The following STS variants were observed in gnomAD, a reference collection of about 807,000 sequenced individuals.
STS encodes the protein steryl-sulfatase.
Under a neutral mutation model 26.8 loss-of-function variants are expected in STS, and 7 were observed. The observed-to-expected ratio is 0.26, with a 90% CI of 0.15 to 0.49. STS has a LOEUF of 0.49. Ranked by LOEUF, STS falls within the 20% of genes least tolerant of loss-of-function variation. STS has a pLI of 0.98. For synonymous variants in STS, 199 were observed against 189.4 expected (o/e 1.05, Z -0.42); for missense variants, 434 against 465.6 (o/e 0.93, Z 0.63).
chrX:7,229,475 C>A (rs1307563319), intron 2 of STS, among the ~76,000 whole-genome samples: 3 of 111,529 alleles, frequency 2.7e-5, no homozygotes, highest in Non-Finnish European at 3.8e-5. Flanking sequence ...ATTCCAAATT[C>A]CCATCCTAGC....
intron 1 of STS, among the ~76,000 whole-genome samples, chrX:7,152,412 G>A (rs903318243): frequency 9.0e-6 from 1 of 111,521 alleles, no homozygotes; most frequent in East Asian, 2.8e-4. Context: ...CCTCCTTCCG[G>A]GTTCAAGCGA....
At position 7,257,236 on chromosome X, in the gene STS, T is replaced by C. The variant is rs755088803; in HGVS notation, c.138-6T>C. On this transcript the variant is annotated splice_polypyrimidine_tract_variant and splice_region_variant and intron_variant, in intron 3 of 10. Transcript: ENST00000674429. ...GATCACAAATGCTATGATTCTTTTG[T>C]TCTAGGACTCCCAATATCGACCGGT... 2.0e-5 allele frequency: 24 copies of C among 1,209,471 alleles called. No homozygotes were observed. In the South Asian group the frequency reaches 3.7e-4, roughly 19 times the overall value.
At chrX:7,212,274 G>A (rs1921065428) in intron 2 of STS, among the ~76,000 whole-genome samples, 1 of 110,969 alleles carries the variant, frequency 9.0e-6, no homozygotes, top group South Asian at 3.8e-4. Flanking sequence ...TTTGAGACCA[G>A]CCATGGGTAA....
At chrX:7,164,745 C>T (rs1446246711) in intron 1 of STS, among the ~76,000 whole-genome samples, 2 of 109,802 alleles carry the variant, frequency 1.8e-5, no homozygotes, top group East Asian at 2.9e-4. Context: ...GTGGCTCTCA[C>T]GCCTGGAATC....
intron 2 of STS, among the ~76,000 whole-genome samples, chrX:7,244,243 A>AT (rs763507712): frequency 3.3e-4 from 37 of 112,282 alleles, no homozygotes; most frequent in Non-Finnish European, 5.8e-4. Flanking sequence ...TAAGCAACTT[A>AT]GAAGGCATGA....
chrX:7,213,252 C>T (rs1235987168), intron 2 of STS, among the ~76,000 whole-genome samples: 2 of 112,048 alleles, frequency 1.8e-5, no homozygotes, highest in African/African-American at 6.5e-5. Context: ...TTCAAAAATA[C>T]TTCTCTCTCA....
intron 8 of STS, among the ~76,000 whole-genome samples, chrX:7,306,386 G>A (rs1926218135): frequency 9.0e-6 from 1 of 111,304 alleles, no homozygotes; most frequent in Admixed American, 9.6e-5. Context: ...AAGAGATGAC[G>A]CCTTAACCAA....
intron 7 of STS, among the ~76,000 whole-genome samples, chrX:7,285,590 TAGAA>T (rs1333720886): frequency 1.2e-4 from 13 of 111,863 alleles, no homozygotes; most frequent in African/African-American, 1.6e-4. Flanking sequence ...AAGCAAATGA[TAGAA>T]AGATAAATAT....
chrX:7,205,365 G>A (rs986362259), intron 2 of STS, among the ~76,000 whole-genome samples: 12 of 111,621 alleles, frequency 1.1e-4, no homozygotes, highest in Non-Finnish European at 2.1e-4. Context: ...GGTTCTTTGG[G>A]GATATTACAT....
In STS at chrX:7,276,013, C is replaced by G. The variant is rs1924516853; in HGVS notation, c.869C>G (p.Ser290Cys). Reference sequence around the variant, plus strand: ...CTCCACGTGCACACAGCCCTGTTCTCCAGCAAAGACTTTGCTGGCAAAAGT... The same window carrying G: ...CTCCACGTGCACACAGCCCTGTTCTGCAGCAAAGACTTTGCTGGCAAAAGT... ...SYLHVHTALF[S>C]SKDFAGKSQH... Residue 290 changes from serine (S) to cysteine (C), a missense_variant, in exon 7 of 11, where the codon TCC (serine) becomes TGC (cysteine). Ser to Cys is a moderately radical substitution (Grantham distance 112). Around this residue, in one of 2 missense-constraint regions of STS, gnomAD observed 229 missense variants for 288.3 expected, o/e 0.79. Coordinates refer to ENST00000674429, the MANE Select transcript of STS (RefSeq NM_001320752.2). 8.3e-7 allele frequency: 1 copy of G among 1,199,196 alleles called. No homozygotes were observed. Among genetic ancestry groups the G allele is most frequent in the African/African-American group, 1.8e-5 (1 of 54,571 alleles).
intron 10 of STS, among the ~76,000 whole-genome samples, chrX:7,343,221 C>T (rs773981435): frequency 8.9e-6 from 1 of 111,852 alleles, no homozygotes; most frequent in Non-Finnish European, 1.9e-5. Context: ...AGTTGAACAT[C>T]ATTCATCAAG....
intron 1 of STS, among the ~76,000 whole-genome samples, chrX:7,177,047 A>T (rs1401658911): frequency 2.7e-5 from 3 of 111,629 alleles, no homozygotes; most frequent in Non-Finnish European, 5.6e-5. Context: ...ACCTCATCAT[A>T]CTGGCAAAAC....
chrX:7,155,907 G>C (rs1328044954), intron 1 of STS, among the ~76,000 whole-genome samples: 10 of 111,855 alleles, frequency 8.9e-5, no homozygotes, highest in African/African-American at 3.2e-4. Context: ...TCAGCGCTTT[G>C]GGAGGCTGAG....
intron 6 of STS, among the ~76,000 whole-genome samples, chrX:7,264,386 C>T (rs1193002949): frequency 8.9e-6 from 1 of 112,579 alleles, no homozygotes; most frequent in East Asian, 2.8e-4. Context: ...AGTTAGTGCC[C>T]GTGGTCAGCC....
chrX:7,234,166 C>T (rs780484815), intron 2 of STS, among the ~76,000 whole-genome samples: 5 of 112,307 alleles, frequency 4.5e-5, no homozygotes, highest in Non-Finnish European at 7.5e-5. Flanking sequence ...TGCTCTATGG[C>T]GTTTCATCCA....
chrX:7,204,986 A>G (rs1259063982), intron 2 of STS, among the ~76,000 whole-genome samples: 3 of 110,988 alleles, frequency 2.7e-5, no homozygotes, highest in Non-Finnish European at 5.7e-5. Context: ...TGTTTTGCTG[A>G]CCTGCTTTGT....
chrX:7,204,950 A>G (rs1035114403), intron 2 of STS, among the ~76,000 whole-genome samples: 1 of 107,378 alleles, frequency 9.3e-6, no homozygotes, highest in African/African-American at 3.4e-5. Context: ...ATCCTTCTCC[A>G]CTCTGAGACC....
At chrX:7,216,520 T>C (rs1407729861) in intron 2 of STS, among the ~76,000 whole-genome samples, 1 of 112,144 alleles carries the variant, frequency 8.9e-6, no homozygotes, top group Non-Finnish European at 1.9e-5. Flanking sequence ...TTTTCTTTTA[T>C]GGAGAAGAGT....
At chrX:7,299,012 A>T (rs1357988489) in intron 7 of STS, among the ~76,000 whole-genome samples, 7 of 67,440 alleles carry the variant, frequency 1.0e-4, no homozygotes, top group Admixed American at 9.5e-4. Flanking sequence ...ATATATTTAT[A>T]TATATATAAA....
Sources: allele counts gnomAD v4.1 joint callset (sites outside exome capture counted in the v4.1 genomes callset), GRCh38; gene constraint gnomAD v4.1.1; regional missense constraint gnomAD v4.1.1; transcripts MANE v1.5; gene names NCBI Gene and HGNC (gene_info 2026-07-23, HGNC 2026-07-21).